Variants in ATP13A5 observed in about 807,000 individuals in gnomAD.
The protein encoded by ATP13A5 is probable cation-transporting ATPase 13A5.
A neutral mutation model predicts 150.2 loss-of-function variants in ATP13A5; 149 were observed. The observed-to-expected ratio is 0.99, with a 90% CI of 0.87 to 1.14. The LOEUF is 1.14. ATP13A5 is among the 50% of genes most tolerant of loss of function. The probability of loss-of-function intolerance (pLI) is 0.00; values close to 1 mark genes in which losing one functional copy is unlikely to be tolerated. For synonymous variants in ATP13A5, 497 were observed against 522.2 expected, an observed-to-expected ratio of 0.95 and a Z score of 0.66; for missense variants, 1,383 against 1,449.3, an observed-to-expected ratio of 0.95 and a Z score of 0.74.
chr3:193,360,307 T>A (rs1712956639), intron 5 of ATP13A5, among the ~76,000 whole-genome samples: 1 of 152,238 alleles, frequency 6.6e-6, no homozygotes, highest in Non-Finnish European at 1.5e-5. Context: ...TTTCTCTCTC[T>A]ACCCAGCTGC....
intron 26 of ATP13A5, among the ~76,000 whole-genome samples, chr3:193,286,776 C>G (rs1386042484): frequency 6.6e-6 from 1 of 152,088 alleles, no homozygotes; most frequent in Non-Finnish European, 1.5e-5. Flanking sequence ...TCACGTGTCT[C>G]TCTCTTTAAA....
intron 26 of ATP13A5, among the ~76,000 whole-genome samples, chr3:193,285,566 A>G (rs1007796435): frequency 3.3e-5 from 5 of 152,154 alleles, no homozygotes; most frequent in African/African-American, 9.7e-5. Flanking sequence ...TAAGGGGTCT[A>G]CGGCTCTATT....
intron 27 of ATP13A5, among the ~76,000 whole-genome samples, chr3:193,284,466 C>T (rs775883069): frequency 6.6e-6 from 1 of 152,126 alleles, no homozygotes. Flanking sequence ...TAGGCCCATT[C>T]CATAAAATGC....
chr3:193,281,331 G>T (rs1034276719), intron 27 of ATP13A5: 1 of 336,626 alleles, frequency 3.0e-6, no homozygotes, highest in African/African-American at 2.2e-5. Context: ...ACTAGGTCTC[G>T]CCTGTGCACA....
At chr3:193,335,997 AAGAT>A (rs1711843861) in intron 9 of ATP13A5, among the ~76,000 whole-genome samples, 1 of 152,212 alleles carries the variant, frequency 6.6e-6, no homozygotes, top group African/African-American at 2.4e-5. Flanking sequence ...TTTTGGCTCC[AAGAT>A]TTAAAGAGTA....
chr3:193,339,092 A>AT (rs533731414), intron 9 of ATP13A5, among the ~76,000 whole-genome samples: 8,074 of 152,018 alleles, frequency 0.053, 624 homozygotes, highest in African/African-American at 0.18. Context: ...CCCCTTTATC[A>AT]TTTTTTATTG....
intron 12 of ATP13A5, among the ~76,000 whole-genome samples, chr3:193,328,812 G>A (rs768884242): frequency 1.2e-4 from 19 of 152,132 alleles, no homozygotes; most frequent in Admixed American, 5.9e-4. Context: ...AGATATCTCC[G>A]AAACTGGAAA....
chr3:193,360,457 A>T (rs1209153294), intron 5 of ATP13A5, among the ~76,000 whole-genome samples: 1 of 152,186 alleles, frequency 6.6e-6, no homozygotes, highest in Non-Finnish European at 1.5e-5. Context: ...GAAATTGGTA[A>T]GATATTACTC....
At chr3:193,363,414 C>T in intron 2 of ATP13A5, 32 bp from the exon 3 acceptor site, 1 of 1,599,730 alleles carries the variant, frequency 6.3e-7, no homozygotes, top group Non-Finnish European at 8.5e-7. Flanking sequence ...ATGAAATTCT[C>T]AAGTGTTATT....
chr3:193,321,173 A>T (rs537608132), intron 16 of ATP13A5, among the ~76,000 whole-genome samples: 1 of 152,160 alleles, frequency 6.6e-6, no homozygotes, highest in South Asian at 2.1e-4. Flanking sequence ...CTGTGGTTGT[A>T]CTTTTCTTAC....
At chr3:193,325,145 CAAATGAT>C (rs1200768059) in intron 13 of ATP13A5, 131 bp from the exon 14 acceptor site, 5 of 872,638 alleles carry the variant, frequency 5.7e-6, no homozygotes, top group Non-Finnish European at 8.7e-6. Context: ...CCCTATGCTC[CAAATGAT>C]AAAGTCCAAA....
chr3:193,323,520 C>T (rs1719356635), intron 14 of ATP13A5: 1 of 152,178 alleles, frequency 6.6e-6, no homozygotes, highest in Non-Finnish European at 1.5e-5. Flanking sequence ...TTTGTAAAGA[C>T]AGATCAGCCC....
chr3:193,341,160 A>G (rs925070717), intron 9 of ATP13A5, among the ~76,000 whole-genome samples: 6 of 128,614 alleles, frequency 4.7e-5, no homozygotes, highest in African/African-American at 1.9e-4. Flanking sequence ...CTAAATTAAC[A>G]TATTCCCCCC....
intron 19 of ATP13A5, chr3:193,313,477 CA>C (rs1289872482): frequency 6.6e-6 from 1 of 152,236 alleles, no homozygotes; most frequent in Admixed American, 6.5e-5. Context: ...TATTCTGTCA[CA>C]AGAGCATAGG....
chr3:193,356,107 C>T (rs1367127460), intron 5 of ATP13A5, among the ~76,000 whole-genome samples: 1 of 152,174 alleles, frequency 6.6e-6, no homozygotes, highest in African/African-American at 2.4e-5. Context: ...CATTCTTTCT[C>T]TGTTCAAGTA....
chr3:193,355,400 C>T (rs1388952890), intron 5 of ATP13A5, among the ~76,000 whole-genome samples: 1 of 152,124 alleles, frequency 6.6e-6, no homozygotes, highest in Admixed American at 6.5e-5. Flanking sequence ...TCCAGGATCG[C>T]AAAGCTAGAA....
At chr3:193,316,915 C>T (rs1211289616) in intron 17 of ATP13A5, among the ~76,000 whole-genome samples, 2 of 152,088 alleles carry the variant, frequency 1.3e-5, no homozygotes, top group African/African-American at 4.8e-5. Flanking sequence ...GACCTGAAAC[C>T]GTGAAACTAC....
chr3:193,375,847 A>G, intron 1 of ATP13A5, among the ~76,000 whole-genome samples: 1 of 152,220 alleles, frequency 6.6e-6, no homozygotes, highest in East Asian at 1.9e-4. Flanking sequence ...ATAATCTCAC[A>G]GCATCGCCCC....
chr3:193,275,135 G>A lies in ATP13A5; in HGVS notation c.3564C>T (p.Ile1188=), dbSNP rs762056396. 2 of 1,614,188 alleles carry A rather than the reference G, an allele frequency of 1.2e-6. No individual in the cohort carries two copies. Among genetic ancestry groups the A allele is most frequent in the Admixed American group, 3.3e-5 (2 of 60,026 alleles). The change falls in exon 30 of 30, where the codon ATC becomes ATT. Residue 1188 remains isoleucine (I), a synonymous_variant. Coordinates refer to ENST00000342358, the MANE Select transcript of ATP13A5 (RefSeq NM_198505.4). ...YSGDGKNGFY[I]NGGYESHEQI... is the part of the protein sequence containing the mutation. The stretch of plus-strand genomic sequence containing the variant: ...GTTCATGGCTTTCATAGCCTCCGTT[G>A]ATGTAGAATCCATTTTTGCCATCAC...
Sources: gnomAD v4.1 joint callset for allele counts (sites outside exome capture counted in the v4.1 genomes callset) on GRCh38, gnomAD v4.1.1 for gene constraint, MANE v1.5 for transcripts, NCBI Gene and HGNC (gene_info 2026-07-23, HGNC 2026-07-21) for gene names.